The following NOVA1 variants were observed in gnomAD, a reference collection of about 807,000 sequenced individuals.
NOVA1 encodes the protein NOVA alternative splicing regulator 1, also known as RNA-binding protein Nova-1.
In NOVA1, 7 loss-of-function variants were observed where a neutral mutation model predicts 38.0. The ratio of observed to expected loss-of-function variants is 0.18; its 90% CI spans 0.10 to 0.35. The LOEUF (loss-of-function observed/expected upper bound fraction) is 0.35. Among genes scored for constraint, NOVA1 ranks in the 10% least tolerant of loss-of-function variants. NOVA1 has a pLI of 1.00. For missense variants in NOVA1, 460 were observed against 616.0 expected (o/e 0.75, Z 2.68); for synonymous variants, 270 against 232.5 (o/e 1.16, Z -1.47).
chr14:26,543,065 C>T (rs61986524), intron 2 of NOVA1, among the ~76,000 whole-genome samples: 6,244 of 151,940 alleles, frequency 0.041, 186 homozygotes, highest in South Asian at 0.097. Context: ...CACAAAGAAA[C>T]GATAAGTGCT....
chr14:26,583,806 G>A (rs1409357326), intron 2 of NOVA1, among the ~76,000 whole-genome samples: 1 of 150,470 alleles, frequency 6.6e-6, no homozygotes, highest in Non-Finnish European at 1.5e-5. Context: ...TAAATAGTAA[G>A]TTTTAATTTT....
At chr14:26,511,590 A>G (rs1234532807) in intron 2 of NOVA1, among the ~76,000 whole-genome samples, 1 of 152,064 alleles carries the variant, frequency 6.6e-6, no homozygotes, top group African/African-American at 2.4e-5. Context: ...TGTCTCTACT[A>G]AAAATACAAA....
At chr14:26,501,759 C>A (rs1200504202) in intron 2 of NOVA1, among the ~76,000 whole-genome samples, 2 of 151,866 alleles carry the variant, frequency 1.3e-5, no homozygotes, top group Non-Finnish European at 2.9e-5. Flanking sequence ...ACATTAATAA[C>A]TATTTTGAGG....
At chr14:26,499,021 T>TA in intron 2 of NOVA1, among the ~76,000 whole-genome samples, 1 of 152,198 alleles carries the variant, frequency 6.6e-6, no homozygotes. Context: ...AGATAGAGAA[T>TA]AAAACAGTAG....
chr14:26,530,757 G>A (rs1566509304), intron 2 of NOVA1, among the ~76,000 whole-genome samples: 1 of 151,208 alleles, frequency 6.6e-6, no homozygotes, highest in African/African-American at 2.4e-5. Context: ...TGGGAGGGCA[G>A]AAAAAAAACA....
intron 2 of NOVA1, among the ~76,000 whole-genome samples, chr14:26,506,711 C>G (rs573003720): frequency 2.0e-4 from 31 of 152,224 alleles, no homozygotes; most frequent in African/African-American, 7.5e-4. Context: ...TCCCAAGTAG[C>G]TGGGACTACA....
At chr14:26,563,794 G>A (rs1836363618) in intron 2 of NOVA1, among the ~76,000 whole-genome samples, 1 of 152,094 alleles carries the variant, frequency 6.6e-6, no homozygotes, top group African/African-American at 2.4e-5. Context: ...TAGCACTGGA[G>A]AAACAGTATA....
intron 2 of NOVA1, among the ~76,000 whole-genome samples, chr14:26,531,515 G>A (rs1471153587): frequency 6.6e-6 from 1 of 152,176 alleles, no homozygotes; most frequent in African/African-American, 2.4e-5. Context: ...GCTGAGACAG[G>A]AGAATTGCTT....
chr14:26,510,568 G>A (rs991279593), intron 2 of NOVA1, among the ~76,000 whole-genome samples: 19 of 152,102 alleles, frequency 1.2e-4, no homozygotes, highest in African/African-American at 4.6e-4. Context: ...GAAGTACTGA[G>A]GGTTGGGGAT....
intron 2 of NOVA1, among the ~76,000 whole-genome samples, chr14:26,541,279 G>A (rs1394574719): frequency 6.6e-6 from 1 of 151,876 alleles, no homozygotes; most frequent in Admixed American, 6.6e-5. Context: ...CACTTTCCCT[G>A]TAACATGAGT....
rs563567303 is a variant in NOVA1, at chr14:26,513,646, A to T, written c.281-33503T>A. Among the ~76,000 whole-genome samples the T allele has an allele frequency of 5.9e-5, 9 of 151,822 alleles. 1 individual carries two copies. The South Asian group carries it at 1.9e-3, about 31-fold the overall frequency. On this transcript the variant is annotated intron_variant, in intron 2 of 4. Coordinates refer to ENST00000539517, the MANE Select transcript of NOVA1 (RefSeq NM_002515.3). ...ATGAAAGAAAGTACAATATTTTAAA[A>T]ATGTTTTAAAATTCTAAATTACCTC...
chr14:26,566,824 C>T (rs1892162463), intron 2 of NOVA1, among the ~76,000 whole-genome samples: 1 of 152,046 alleles, frequency 6.6e-6, no homozygotes, highest in South Asian at 2.1e-4. Context: ...TATGTTAGAA[C>T]ACAGCAAAAA....
At chr14:26,476,282 T>A (rs1884977104) in intron 3 of NOVA1, among the ~76,000 whole-genome samples, 1 of 152,208 alleles carries the variant, frequency 6.6e-6, no homozygotes. Flanking sequence ...CTGTCTGGAT[T>A]TTTAATGCAA....
intron 2 of NOVA1, among the ~76,000 whole-genome samples, chr14:26,526,517 C>T (rs1028387679): frequency 1.6e-4 from 24 of 152,156 alleles, no homozygotes; most frequent in Non-Finnish European, 2.5e-4. Flanking sequence ...AAGCCCAGCG[C>T]TGTTTACAAA....
At chr14:26,543,069 A>T (rs983277223) in intron 2 of NOVA1, among the ~76,000 whole-genome samples, 1 of 151,982 alleles carries the variant, frequency 6.6e-6, no homozygotes, top group Non-Finnish European at 1.5e-5. Context: ...AAGAAACGAT[A>T]AGTGCTTGAG....
chr14:26,513,564 T>C (rs1246990613), intron 2 of NOVA1, among the ~76,000 whole-genome samples: 1 of 151,774 alleles, frequency 6.6e-6, no homozygotes, highest in East Asian at 1.9e-4. Context: ...ATGTCAGTGC[T>C]TCTGAACAAT....
intron 2 of NOVA1, among the ~76,000 whole-genome samples, chr14:26,541,864 AATGTT>A (rs975698794): frequency 6.6e-6 from 1 of 151,720 alleles, no homozygotes; most frequent in Non-Finnish European, 1.5e-5. Context: ...AAATACACAA[AATGTT>A]ATTGCTATAA....
intron 2 of NOVA1, among the ~76,000 whole-genome samples, chr14:26,492,993 T>C (rs1886467228): frequency 6.6e-6 from 1 of 151,930 alleles, no homozygotes; most frequent in Admixed American, 6.6e-5. Context: ...CCACAACATA[T>C]TTAGAAAAAA....
At chr14:26,456,489 A>C (rs1257342339) in intron 4 of NOVA1, among the ~76,000 whole-genome samples, 3 of 152,054 alleles carry the variant, frequency 2.0e-5, no homozygotes, top group Non-Finnish European at 4.4e-5. Flanking sequence ...AAATTAAAGA[A>C]TTAAGTATGA....
Sources: gnomAD v4.1 joint callset for allele counts (sites outside exome capture counted in the v4.1 genomes callset) on GRCh38, gnomAD v4.1.1 for gene constraint, MANE v1.5 for transcripts, NCBI Gene and HGNC (gene_info 2026-07-23, HGNC 2026-07-21) for gene names.